The following RNF217 variants were observed in gnomAD, a reference collection of about 807,000 sequenced individuals.
The protein encoded by RNF217 is ring finger protein 217.
Under a neutral mutation model 57.8 loss-of-function variants are expected in RNF217, and 31 were observed. The observed-to-expected ratio is 0.54, with a 90% CI of 0.40 to 0.72. The LOEUF is 0.72. Ranked by LOEUF, RNF217 falls within the 30% of genes least tolerant of loss-of-function variation. RNF217 has a pLI of 0.00. For missense variants in RNF217, 696 were observed against 708.3 expected (o/e 0.98, Z 0.20); for synonymous variants, 313 against 294.0 (o/e 1.06, Z -0.66).
In RNF217 at chr6:125,045,363, A is replaced by G; in HGVS notation, c.1035A>G (p.Pro345=). The G allele has an allele frequency of 1.9e-6, 3 of 1,613,496 alleles. No individual in the cohort carries two copies. Among genetic ancestry groups the G allele is most frequent in the Admixed American group, 3.3e-5 (2 of 59,900 alleles). ...GCCGTATTGATTCCAGCACCAAGCC[A>G]TGTCCTCAGTGCAAGCACTTTACAA... is the stretch of plus-strand genomic sequence containing the variant. ...ELGRIDSSTK[P]CPQCKHFTTF... is the part of the protein sequence containing the mutation. The change falls in exon 2 of 6, where the codon CCA becomes CCG. Residue 345 remains proline (P), a synonymous_variant. Coordinates refer to ENST00000521654, the MANE Select transcript of RNF217 (RefSeq NM_001286398.3).
chr6:124,991,179 C>T (rs556622188), intron 1 of RNF217, among the ~76,000 whole-genome samples: 2 of 152,184 alleles, frequency 1.3e-5, no homozygotes, highest in African/African-American at 2.4e-5. Flanking sequence ...TCTGTTCCCC[C>T]ACCCTGTTTC....
intron 1 of RNF217, among the ~76,000 whole-genome samples, chr6:125,043,484 C>T (rs1422786182): frequency 6.6e-6 from 1 of 152,006 alleles, no homozygotes; most frequent in Non-Finnish European, 1.5e-5. Flanking sequence ...TCCTGCAAAG[C>T]TTCAGTACCT....
chr6:124,992,745 A>G (rs1451415112), intron 1 of RNF217, among the ~76,000 whole-genome samples: 1 of 152,124 alleles, frequency 6.6e-6, no homozygotes, highest in East Asian at 1.9e-4. Flanking sequence ...CTTTGTTGTA[A>G]TGATTTTTTT....
intron 1 of RNF217, among the ~76,000 whole-genome samples, chr6:124,991,886 G>A (rs1478872015): frequency 6.6e-6 from 1 of 152,090 alleles, no homozygotes; most frequent in East Asian, 1.9e-4. Flanking sequence ...GACCACTCAG[G>A]TATAGCACTT....
At chr6:125,082,356 A>G (rs1418440029) in intron 5 of RNF217, 11 of 1,285,868 alleles carry the variant, frequency 8.6e-6, no homozygotes, top group Non-Finnish European at 1.1e-5. Context: ...ATAAATGTGC[A>G]GGACAGATAG....
chr6:125,009,082 A>C (rs553308355), intron 1 of RNF217: 1 of 578,220 alleles, frequency 1.7e-6, no homozygotes, highest in South Asian at 4.2e-5. Flanking sequence ...AGTAGATAGA[A>C]TGTGCTTTCC....
At chr6:125,063,117 G>A (rs1450811435) in intron 3 of RNF217, among the ~76,000 whole-genome samples, 1 of 152,118 alleles carries the variant, frequency 6.6e-6, no homozygotes. Flanking sequence ...TCTAAATTTT[G>A]TTGGAGGTAT....
chr6:124,966,237 T>C (rs1484096451), intron 1 of RNF217, among the ~76,000 whole-genome samples: 1 of 152,250 alleles, frequency 6.6e-6, no homozygotes, highest in Non-Finnish European at 1.5e-5. Context: ...TTGATCTGTG[T>C]CAATTCTATG....
rs565424637 is a variant in RNF217, at chr6:125,085,749, G to T, written c.*2812G>T. 14 of 151,902 alleles carry T rather than the reference G, an allele frequency of 9.2e-5. No homozygotes were observed. Among genetic ancestry groups the T allele is most frequent in the Admixed American group, 5.2e-4 (8 of 15,242 alleles). 9.4% of individuals were successfully genotyped at this position (151,902 alleles called of 1,614,324 possible). On this transcript the variant is annotated 3_prime_UTR_variant, in exon 6 of 6. Transcript: ENST00000521654. ...TAGGGGTAACCACTGTTAATGGTTT[G>T]GTATGTGTCCTTCCAGACACTTTCT...
At chr6:125,002,199 C>T (rs1785015945) in intron 1 of RNF217, among the ~76,000 whole-genome samples, 1 of 152,124 alleles carries the variant, frequency 6.6e-6, no homozygotes, top group South Asian at 2.1e-4. Context: ...AATGAAGTGC[C>T]TTTCTGTATG....
intron 2 of RNF217, among the ~76,000 whole-genome samples, chr6:125,055,189 C>G (rs1787476566): frequency 6.6e-6 from 1 of 152,076 alleles, no homozygotes; most frequent in Admixed American, 6.6e-5. Context: ...TAATCCAAAG[C>G]AAATAAAGAG....
intron 1 of RNF217, among the ~76,000 whole-genome samples, chr6:125,012,526 C>T (rs547733907): frequency 2.4e-4 from 36 of 152,170 alleles, no homozygotes; most frequent in Admixed American, 5.9e-4. Flanking sequence ...TATAATTTAA[C>T]GTGAACCTCA....
chr6:125,073,302 G>A (rs1788220805), intron 3 of RNF217, among the ~76,000 whole-genome samples: 1 of 152,112 alleles, frequency 6.6e-6, no homozygotes, highest in Non-Finnish European at 1.5e-5. Flanking sequence ...AGTAACCATT[G>A]ATAAACATGA....
intron 1 of RNF217, among the ~76,000 whole-genome samples, chr6:125,027,033 A>C (rs140414860): frequency 1.3e-5 from 2 of 151,880 alleles, no homozygotes; most frequent in South Asian, 4.2e-4. Flanking sequence ...TTGTGGGTAC[A>C]TAGTAGGTGT....
intron 2 of RNF217, among the ~76,000 whole-genome samples, chr6:125,048,575 G>A (rs1312754256): frequency 6.6e-6 from 1 of 151,990 alleles, no homozygotes. Context: ...CATCCAAGAT[G>A]TCATTCTTTG....
At chr6:125,072,977 T>C (rs1788207184) in intron 3 of RNF217, among the ~76,000 whole-genome samples, 1 of 152,222 alleles carries the variant, frequency 6.6e-6, no homozygotes, top group Non-Finnish European at 1.5e-5. Flanking sequence ...AAAGTGCTAA[T>C]CTGTGTACAA....
At chr6:125,033,664 T>C (rs964187964) in intron 1 of RNF217, among the ~76,000 whole-genome samples, 2 of 151,532 alleles carry the variant, frequency 1.3e-5, no homozygotes, top group African/African-American at 4.9e-5. Flanking sequence ...TATGTGTGCA[T>C]GTGTCTTTAT....
intron 1 of RNF217, among the ~76,000 whole-genome samples, chr6:124,979,450 A>C (rs1234821761): frequency 1.3e-5 from 2 of 152,172 alleles, no homozygotes; most frequent in East Asian, 3.9e-4. Context: ...ATACAGGTAG[A>C]GAGATGAGAG....
chr6:125,082,846 A>AT lies in RNF217; in HGVS notation c.1556-12dup. Reference sequence around the variant, plus strand: ...ATGCCTCTCATCCTAACTAACTTTAATTTTTTCTTATCCCTAGGTTTATTT... The same window carrying AT: ...ATGCCTCTCATCCTAACTAACTTTAATTTTTTTCTTATCCCTAGGTTTATTT... On this transcript the variant is annotated splice_polypyrimidine_tract_variant and intron_variant, in intron 5 of 5. Coordinates refer to ENST00000521654, the MANE Select transcript of RNF217 (RefSeq NM_001286398.3). 1 of 1,568,410 alleles carries AT rather than the reference A, an allele frequency of 6.4e-7. No homozygotes were observed. The highest frequency in any genetic ancestry group is 1.4e-5 in the African/African-American group (1 of 73,180).
Sources: gnomAD v4.1 joint callset for allele counts (sites outside exome capture counted in the v4.1 genomes callset) on GRCh38, gnomAD v4.1.1 for gene constraint, MANE v1.5 for transcripts, NCBI Gene and HGNC (gene_info 2026-07-23, HGNC 2026-07-21) for gene names.